ANO1: variants seen among roughly 807,000 people sequenced by gnomAD.
ANO1 encodes the protein anoctamin-1.
In ANO1, 59 loss-of-function variants were observed where a neutral mutation model predicts 124.0. The ratio of observed to expected loss-of-function variants is 0.48; its 90% CI spans 0.39 to 0.59. The LOEUF (loss-of-function observed/expected upper bound fraction) is 0.59, where lower values mean the gene tolerates loss of function less well. ANO1 is among the 20% of genes least tolerant of loss of function. ANO1 has a pLI of 0.00. For missense variants in ANO1, 1,059 were observed against 1,328.0 expected (o/e 0.80, Z 3.15); for synonymous variants, 529 against 532.0 (o/e 0.99, Z 0.08).
intron 12 of ANO1, among the ~76,000 whole-genome samples, chr11:70,150,766 T>A (rs57537434): frequency 3.9e-4 from 58 of 149,414 alleles, no homozygotes; most frequent in Non-Finnish European, 7.4e-4. Flanking sequence ...TGCTCCCTTT[T>A]AAAAAAAAAA....
At position 70,153,060 on chromosome 11, in the gene ANO1, C is replaced by A; in HGVS notation, c.1357C>A (p.His453Asn). The A allele has an allele frequency of 6.2e-7, 1 of 1,604,230 alleles. No homozygotes were observed. Among genetic ancestry groups the A allele is most frequent in the East Asian group, 2.2e-5 (1 of 44,668 alleles). ...CTTGACTTGGTTTCATTCACAGGAT[C>A]ATCCTAGAGCTGAATACGAAGCCAG... is the stretch of plus-strand genomic sequence containing the variant. ...FEEEEEAVKD[H>N]PRAEYEARVL... is the part of the protein sequence containing the mutation. Residue 453 changes from histidine to asparagine, a missense_variant, in exon 14 of 26, where the codon CAT becomes AAT. By Grantham distance (68) the His-to-Asn change is moderately conservative. Coordinates refer to ENST00000355303, the MANE Select transcript of ANO1 (RefSeq NM_018043.7).
chr11:70,016,109 C>A (rs1856698921), intron 1 of ANO1, among the ~76,000 whole-genome samples: 1 of 151,808 alleles, frequency 6.6e-6, no homozygotes, highest in East Asian at 1.9e-4. Flanking sequence ...TTCACCGCAA[C>A]CTCTGCCTCC....
In ANO1 at chr11:70,104,047, G is replaced by A; in HGVS notation, c.589G>A (p.Val197Met). The change falls in exon 4 of 26, where the codon GTG becomes ATG. Residue 197 changes from valine to methionine, a missense_variant. Val to Met is a conservative substitution (Grantham distance 21). Coordinates refer to ENST00000355303, the MANE Select transcript of ANO1 (RefSeq NM_018043.7). ...TGGCCTCCTGAAAAAAATCAACTCTGTGCTCCAGAAAATCACAGATCCCAT... is the reference window on the plus strand; with the variant it reads ...TGGCCTCCTGAAAAAAATCAACTCTATGCTCCAGAAAATCACAGATCCCAT... ...TRGLLKKINS[V>M]LQKITDPIQP... 6.2e-7 allele frequency: 1 copy of A among 1,612,422 alleles called. No individual in the cohort carries two copies. Among genetic ancestry groups the A allele is most frequent in the Non-Finnish European group, 8.5e-7 (1 of 1,179,326 alleles).
intron 2 of ANO1, among the ~76,000 whole-genome samples, chr11:70,102,412 CAG>C (rs1319095441): frequency 1.3e-5 from 2 of 152,296 alleles, no homozygotes; most frequent in East Asian, 3.9e-4. Context: ...CATTGAGGAC[CAG>C]AGAGAGGTGA....
At chr11:70,099,744 C>A (rs1313277633) in intron 2 of ANO1, among the ~76,000 whole-genome samples, 1 of 152,198 alleles carries the variant, frequency 6.6e-6, no homozygotes, top group East Asian at 1.9e-4. Context: ...CTGCCAAGAG[C>A]ACCAGAGGCT....
intron 8 of ANO1, among the ~76,000 whole-genome samples, chr11:70,121,152 C>T (rs2046246414): frequency 6.6e-6 from 1 of 151,244 alleles, no homozygotes; most frequent in Non-Finnish European, 1.5e-5. Flanking sequence ...TGTCCTTTCT[C>T]ACTGTCCCTG....
intron 18 of ANO1, 37 bp from the exon 19 acceptor site, chr11:70,163,246 C>T: frequency 5.6e-6 from 9 of 1,606,768 alleles, no homozygotes; most frequent in Non-Finnish European, 7.6e-6. Context: ...GAGCCAGGGG[C>T]TCATCTTTTC....
At chr11:69,977,655 C>A in the ANO1 span, among the ~76,000 whole-genome samples, 2 of 152,346 alleles carry the variant, frequency 1.3e-5, no homozygotes, top group African/African-American at 4.8e-5. Context: ...GTGCCCATCC[C>A]TGCCAGGGTG....
intron 12 of ANO1, among the ~76,000 whole-genome samples, chr11:70,150,347 C>T (rs956569069): frequency 2.6e-5 from 4 of 152,196 alleles, no homozygotes; most frequent in African/African-American, 7.2e-5. Flanking sequence ...TTCAATATTA[C>T]GTAGCCCCTG....
At chr11:69,981,414 A>G (rs532210326), upstream of ANO1, among the ~76,000 whole-genome samples, 56 of 152,310 alleles carry the variant, frequency 3.7e-4, no homozygotes, top group African/African-American at 1.3e-3. Context: ...AGCGCTTGGA[A>G]CGGGGCCTGG....
intron 2 of ANO1, among the ~76,000 whole-genome samples, chr11:70,102,562 G>A (rs1039155645): frequency 6.6e-6 from 1 of 152,236 alleles, no homozygotes; most frequent in Non-Finnish European, 1.5e-5. Context: ...TGGACCTGGA[G>A]CAGGCAGAGG....
chr11:70,066,629 CG>C (rs140363604), intron 1 of ANO1, among the ~76,000 whole-genome samples: 14,535 of 106,672 alleles, frequency 0.14, 1,001 homozygotes, highest in Admixed American at 0.27. Context: ...GATTTGGTGG[CG>C]GGGGCGGGGT....
At chr11:69,987,756 G>T (rs1347511602) in intron 1 of ANO1, among the ~76,000 whole-genome samples, 1 of 152,144 alleles carries the variant, frequency 6.6e-6, no homozygotes, top group Non-Finnish European at 1.5e-5. Context: ...CGTTCCCTGT[G>T]CATGAGGGTG....
rs940825289 is a variant in ANO1, at chr11:70,153,278, G to A, written c.1425+150G>A. On this transcript the variant is annotated intron_variant, in intron 14 of 25. Transcript: ENST00000355303. ...AACTCTGCCATGGTAGCGGCAAAAG[G>A]AGCCATAGACAGTAGGTAAACACAT... is the stretch of plus-strand genomic sequence containing the variant. 2.5e-5 allele frequency: 18 copies of A among 708,846 alleles called. No individual in the cohort carries two copies. In the African/African-American group the frequency reaches 3.0e-4, roughly 12 times the overall value. 43.9% of individuals were successfully genotyped at this position (708,846 alleles called of 1,614,324 possible).
chr11:69,975,061 G>A, the ANO1 span, among the ~76,000 whole-genome samples: 2 of 152,196 alleles, frequency 1.3e-5, no homozygotes, highest in Non-Finnish European at 2.9e-5. Context: ...ACCCCACGCT[G>A]CTGCAGGACA....
chr11:69,979,417 C>A, the ANO1 span, among the ~76,000 whole-genome samples: 1 of 152,198 alleles, frequency 6.6e-6, no homozygotes, highest in Non-Finnish European at 1.5e-5. Context: ...AATTCTGCCG[C>A]TTACCAGCTG....
intron 19 of ANO1, among the ~76,000 whole-genome samples, chr11:70,163,894 C>T (rs1196045204): frequency 6.6e-6 from 1 of 150,692 alleles, no homozygotes. Flanking sequence ...GCTGAGATTT[C>T]GCCACTGCAC....
At chr11:70,171,778 G>C (rs1380433261) in intron 22 of ANO1, among the ~76,000 whole-genome samples, 6 of 152,088 alleles carry the variant, frequency 3.9e-5, no homozygotes, top group Admixed American at 6.6e-5. Context: ...ACCAGCCTAG[G>C]CAACATGACG....
At position 70,107,603 on chromosome 11, in the gene ANO1, A is replaced by T. The variant is rs184230520; in HGVS notation, c.748-750A>T. Among the ~76,000 whole-genome samples, 1,264 of 152,086 alleles carry T rather than the reference A, an allele frequency of 8.3e-3. 23 individuals carry two copies. Among genetic ancestry groups the T allele is most frequent in the African/African-American group, 0.029 (1,201 of 41,518 alleles). On this transcript the variant is annotated intron_variant, in intron 5 of 25. Transcript: ENST00000355303. ...CATGCTCTGAAATGCACGTCTGCATAGCACGACCAGTTCTTCTCACCCCAG... is the reference window on the plus strand; with the variant it reads ...CATGCTCTGAAATGCACGTCTGCATTGCACGACCAGTTCTTCTCACCCCAG...
Sources: gnomAD v4.1 joint callset for allele counts (sites outside exome capture counted in the v4.1 genomes callset) on GRCh38, gnomAD v4.1.1 for gene constraint, MANE v1.5 for transcripts, NCBI Gene and HGNC (gene_info 2026-07-23, HGNC 2026-07-21) for gene names.